The following BMAL1 variants were observed in gnomAD, a reference collection of about 807,000 sequenced individuals.
The protein encoded by BMAL1 is basic helix-loop-helix ARNT-like protein 1.
chr11:13,366,522 T>C, the BMAL1 span: 1 of 724,200 alleles, frequency 1.4e-6, no homozygotes, highest in East Asian at 2.7e-5. Flanking sequence ...TGGTTGGACA[T>C]ATGTACAGGT....
At chr11:13,288,534 C>G in the BMAL1 span, among the ~76,000 whole-genome samples, 2 of 151,068 alleles carry the variant, frequency 1.3e-5, no homozygotes, top group East Asian at 3.9e-4. Context: ...TGGGGAAACT[C>G]AGTGAGGTTA....
the BMAL1 span, among the ~76,000 whole-genome samples, chr11:13,293,341 TTTTA>T: frequency 6.6e-6 from 1 of 152,230 alleles, no homozygotes; most frequent in Non-Finnish European, 1.5e-5. Flanking sequence ...AGTCCAGCCC[TTTTA>T]CTTCATAACC....
chr11:13,361,842 A>G, the BMAL1 span, among the ~76,000 whole-genome samples: 4 of 151,522 alleles, frequency 2.6e-5, 1 homozygote, highest in Middle Eastern at 3.4e-3. Flanking sequence ...TGCCAGGTCT[A>G]AGTAGCCAGA....
chr11:13,330,726 A>G, the BMAL1 span, among the ~76,000 whole-genome samples: 2 of 152,240 alleles, frequency 1.3e-5, no homozygotes, highest in East Asian at 3.8e-4. Flanking sequence ...ATCATTCTTC[A>G]TTGTCCATTA....
chr11:13,319,203 T>A, the BMAL1 span, among the ~76,000 whole-genome samples: 1 of 152,376 alleles, frequency 6.6e-6, no homozygotes, highest in East Asian at 1.9e-4. Flanking sequence ...TTTTAAAAGT[T>A]GTACTCCATG....
chr11:13,345,222 G>A, the BMAL1 span, among the ~76,000 whole-genome samples: 18 of 152,172 alleles, frequency 1.2e-4, no homozygotes, highest in Non-Finnish European at 1.5e-4. Flanking sequence ...CTTCCCTGGG[G>A]TCCCATTTTA....
At chr11:13,372,168 C>T in the BMAL1 span, 1 of 1,613,626 alleles carries the variant, frequency 6.2e-7, no homozygotes, top group Non-Finnish European at 8.5e-7. Flanking sequence ...TCTAGCAGAT[C>T]GAAAAAGCTT....
At chr11:13,358,128 A>T in the BMAL1 span, among the ~76,000 whole-genome samples, 1 of 152,222 alleles carries the variant, frequency 6.6e-6, no homozygotes, top group Non-Finnish European at 1.5e-5. Flanking sequence ...ATCCAATTTG[A>T]CAAAGGCTGA....
the BMAL1 span, chr11:13,374,117 T>G: frequency 3.7e-6 from 6 of 1,613,782 alleles, no homozygotes; most frequent in African/African-American, 2.7e-5. Flanking sequence ...TTTGGCATAT[T>G]TACCACAAGA....
chr11:13,381,725 T>G, the BMAL1 span, among the ~76,000 whole-genome samples: 414 of 152,300 alleles, frequency 2.7e-3, 3 homozygotes, highest in African/African-American at 9.6e-3. Flanking sequence ...GCCTGGGGGT[T>G]CCATTGGTGT....
the BMAL1 span, among the ~76,000 whole-genome samples, chr11:13,348,953 G>A: frequency 3.9e-5 from 6 of 152,188 alleles, 1 homozygote; most frequent in South Asian, 8.3e-4. Flanking sequence ...GGAAAGCCCC[G>A]TTTAAAATCT....
At chr11:13,308,902 G>T in the BMAL1 span, among the ~76,000 whole-genome samples, 14 of 151,964 alleles carry the variant, frequency 9.2e-5, no homozygotes. Flanking sequence ...AAACTTATTG[G>T]GTGCCAGGGG....
chr11:13,290,539 T>C, the BMAL1 span, among the ~76,000 whole-genome samples: 1 of 150,568 alleles, frequency 6.6e-6, no homozygotes, highest in African/African-American at 2.5e-5. Context: ...TCTAAATTTC[T>C]GCCAGCATTA....
chr11:13,348,403 G>T, the BMAL1 span, among the ~76,000 whole-genome samples: 6 of 152,132 alleles, frequency 3.9e-5, no homozygotes, highest in African/African-American at 1.4e-4. Context: ...GGGGTATCCC[G>T]CCTCTGACCA....
the BMAL1 span, among the ~76,000 whole-genome samples, chr11:13,285,694 T>G: frequency 1.3e-5 from 2 of 152,210 alleles, no homozygotes; most frequent in Non-Finnish European, 2.9e-5. Flanking sequence ...TACAGATGTT[T>G]TCTGCCTCTT....
chr11:13,385,646 TA>T, the BMAL1 span: 2 of 1,484,976 alleles, frequency 1.3e-6, no homozygotes, highest in Non-Finnish European at 1.9e-6. Context: ...GCATTGCTCA[TA>T]ATACTGATTC....
the BMAL1 span, among the ~76,000 whole-genome samples, chr11:13,370,153 G>A: frequency 6.6e-6 from 1 of 152,282 alleles, no homozygotes; most frequent in African/African-American, 2.4e-5. Context: ...CCTTCTTGAA[G>A]TGTTCTCTTC....
At chr11:13,366,626 T>G in the BMAL1 span, 1 of 1,534,424 alleles carries the variant, frequency 6.5e-7, no homozygotes, top group Non-Finnish European at 9.0e-7. Context: ...ATTTTCTGCA[T>G]GCAATTGACT....
At chr11:13,338,789 C>T in the BMAL1 span, among the ~76,000 whole-genome samples, 8 of 152,186 alleles carry the variant, frequency 5.3e-5, no homozygotes, top group Non-Finnish European at 1.2e-4. Context: ...TCGATGCCTC[C>T]CCCAAAAGGT....
Sources: gnomAD v4.1 joint callset for allele counts (sites outside exome capture counted in the v4.1 genomes callset) on GRCh38, gnomAD v4.1.1 for gene constraint, MANE v1.5 for transcripts, NCBI Gene and HGNC (gene_info 2026-07-23, HGNC 2026-07-21) for gene names.